NFIA: variants seen among roughly 807,000 people sequenced by gnomAD.
NFIA encodes nuclear factor I A, also known as nuclear factor 1 A-type.
A neutral mutation model predicts 62.8 loss-of-function variants in NFIA; 8 were observed. The observed-to-expected ratio is 0.13, with a 90% CI of 0.07 to 0.23. NFIA has a LOEUF of 0.23. Among genes scored for constraint, NFIA ranks in the 10% least tolerant of loss-of-function variants. NFIA has a pLI of 1.00. For missense variants in NFIA, 410 were observed against 642.1 expected, an observed-to-expected ratio of 0.64 and a Z score of 3.91; for synonymous variants, 235 against 238.1, an observed-to-expected ratio of 0.99 and a Z score of 0.12.
At chr1:61,295,258 A>T (rs1659128756) in intron 3 of NFIA, among the ~76,000 whole-genome samples, 1 of 152,212 alleles carries the variant, frequency 6.6e-6, no homozygotes, top group Admixed American at 6.5e-5. Context: ...GGCAAAGCTG[A>T]CTGACATGAA....
chr1:61,179,252 A>T (rs1308386664), intron 2 of NFIA, among the ~76,000 whole-genome samples: 1 of 152,240 alleles, frequency 6.6e-6, no homozygotes, highest in Non-Finnish European at 1.5e-5. Context: ...ATCCAGACTG[A>T]TGCACCTGGC....
chr1:61,435,748 A>G (rs2100567039), intron 10 of NFIA, among the ~76,000 whole-genome samples: 2 of 152,338 alleles, frequency 1.3e-5, no homozygotes, highest in Middle Eastern at 6.8e-3. Context: ...AGGACCAGTC[A>G]CATTTGCCTC....
chr1:61,353,433 T>G (rs984996162), intron 5 of NFIA, among the ~76,000 whole-genome samples: 4 of 152,230 alleles, frequency 2.6e-5, no homozygotes, highest in Admixed American at 6.5e-5. Context: ...GGAAAGGGAT[T>G]AGGCATTAAA....
At chr1:61,172,692 C>T (rs1650046584) in intron 2 of NFIA, among the ~76,000 whole-genome samples, 1 of 152,178 alleles carries the variant, frequency 6.6e-6, no homozygotes, top group African/African-American at 2.4e-5. Flanking sequence ...CATTCCCTTA[C>T]CTGTCCTCAG....
chr1:61,347,318 C>T (rs944942982), intron 4 of NFIA, among the ~76,000 whole-genome samples: 30 of 151,792 alleles, frequency 2.0e-4, no homozygotes, highest in African/African-American at 7.0e-4. Flanking sequence ...GGACTACAGG[C>T]GCCCACCACC....
chr1:61,368,442 T>C (rs1376522909), intron 6 of NFIA, among the ~76,000 whole-genome samples: 1 of 152,208 alleles, frequency 6.6e-6, no homozygotes. Context: ...GAGGAAAAAG[T>C]ACAAATTAAG....
At chr1:61,350,592 C>A (rs1662494958) in intron 4 of NFIA, among the ~76,000 whole-genome samples, 1 of 152,024 alleles carries the variant, frequency 6.6e-6, no homozygotes, top group African/African-American at 2.4e-5. Context: ...GCTATGATCA[C>A]ACCTCTGCAT....
intron 2 of NFIA, among the ~76,000 whole-genome samples, chr1:61,145,186 A>G (rs1342303783): frequency 3.9e-5 from 6 of 152,210 alleles, no homozygotes; most frequent in Non-Finnish European, 5.9e-5. Context: ...AGCCAAGGAG[A>G]AAAATTATTG....
In NFIA at chr1:61,461,479, A is replaced by C. The variant is rs979740008; in HGVS notation, c.*6159A>C. 27 of 152,124 alleles carry C rather than the reference A, an allele frequency of 1.8e-4. No homozygotes were observed. The highest frequency in any genetic ancestry group is 6.5e-4 in the African/African-American group (27 of 41,430). The allele number at this position is 152,124 out of a possible 1,614,324, so 9.4% of individuals were successfully genotyped here. A position where few individuals can be genotyped will look rare whatever the true frequency, so the allele number is the denominator to read the frequency against. ...AATTACTTGCTTCCCAAATTAAATA[A>C]ATTTCATCTCATTTTTTTCCCTAAA... On this transcript the variant is annotated 3_prime_UTR_variant, in exon 11 of 11. Coordinates refer to ENST00000403491, the MANE Select transcript of NFIA (RefSeq NM_001134673.4).
chr1:61,412,150 A>T (rs1387168528), intron 9 of NFIA, among the ~76,000 whole-genome samples: 1 of 152,194 alleles, frequency 6.6e-6, no homozygotes, highest in Non-Finnish European at 1.5e-5. Context: ...AATAAATAAA[A>T]TGAGCGTCTT....
chr1:61,299,399 A>G (rs1234980688), intron 3 of NFIA, among the ~76,000 whole-genome samples: 1 of 152,216 alleles, frequency 6.6e-6, no homozygotes, highest in African/African-American at 2.4e-5. Context: ...TGTTTCCAAA[A>G]TGAGGCCACT....
At chr1:61,255,443 A>G (rs144257343) in intron 2 of NFIA, among the ~76,000 whole-genome samples, 165 of 152,352 alleles carry the variant, frequency 1.1e-3, no homozygotes, top group African/African-American at 3.8e-3. Flanking sequence ...CTTTTGCATT[A>G]TGCGTTACTT....
intron 7 of NFIA, among the ~76,000 whole-genome samples, chr1:61,399,168 G>C (rs1017948609): frequency 1.3e-5 from 2 of 152,058 alleles, no homozygotes; most frequent in Non-Finnish European, 2.9e-5. Flanking sequence ...TTATAATGGC[G>C]CTAACAGAGA....
intron 2 of NFIA, among the ~76,000 whole-genome samples, chr1:61,223,843 G>A (rs1350327060): frequency 6.6e-6 from 1 of 152,066 alleles, no homozygotes; most frequent in Non-Finnish European, 1.5e-5. Flanking sequence ...GTTTTCTGAG[G>A]ATATCAACTA....
intron 2 of NFIA, among the ~76,000 whole-genome samples, chr1:61,118,653 G>A (rs1646833431): frequency 6.7e-6 from 1 of 148,350 alleles, no homozygotes; most frequent in Non-Finnish European, 1.5e-5. Flanking sequence ...AAGTTTGGTC[G>A]GGATGAGTGT....
intron 6 of NFIA, among the ~76,000 whole-genome samples, chr1:61,365,146 C>T (rs1663517652): frequency 6.6e-6 from 1 of 152,166 alleles, no homozygotes; most frequent in South Asian, 2.1e-4. Context: ...ATGATTGTGC[C>T]ATTGCACTCC....
At chr1:61,449,285 G>C (rs1334832944) in intron 10 of NFIA, among the ~76,000 whole-genome samples, 2 of 152,204 alleles carry the variant, frequency 1.3e-5, no homozygotes, top group African/African-American at 4.8e-5. Flanking sequence ...CAGATGCCTT[G>C]CTTTGCCCTC....
intron 7 of NFIA, among the ~76,000 whole-genome samples, chr1:61,391,107 C>T (rs1176996874): frequency 1.3e-5 from 2 of 152,114 alleles, no homozygotes; most frequent in African/African-American, 2.4e-5. Context: ...GACACCCAGG[C>T]TGGAGTGCAG....
At chr1:61,120,167 G>A (rs1224273787) in intron 2 of NFIA, among the ~76,000 whole-genome samples, 1 of 152,136 alleles carries the variant, frequency 6.6e-6, no homozygotes, top group Non-Finnish European at 1.5e-5. Flanking sequence ...TTTGAGCTCT[G>A]TAATATTTGT....
Sources: allele counts gnomAD v4.1 joint callset (sites outside exome capture counted in the v4.1 genomes callset), GRCh38; gene constraint gnomAD v4.1.1; transcripts MANE v1.5; gene names NCBI Gene and HGNC (gene_info 2026-07-23, HGNC 2026-07-21).